The following FMNL2 variants were observed in gnomAD, a reference collection of about 807,000 sequenced individuals.
FMNL2 encodes formin like 2.
Under a neutral mutation model 130.2 loss-of-function variants are expected in FMNL2, and 51 were observed. The ratio of observed to expected loss-of-function variants is 0.39; its 90% confidence interval spans 0.31 to 0.49. The LOEUF (loss-of-function observed/expected upper bound fraction) is 0.49. FMNL2 is among the 20% of genes least tolerant of loss of function. The pLI, the probability that FMNL2 is intolerant of heterozygous loss-of-function variation, is 0.85. For missense variants in FMNL2, 977 were observed against 1,316.2 expected, an observed-to-expected ratio of 0.74 and a Z score of 3.99; for synonymous variants, 465 against 467.1, an observed-to-expected ratio of 1.00 and a Z score of 0.06.
chr2:152,642,098 G>A (rs1429840694), intron 25 of FMNL2, among the ~76,000 whole-genome samples: 8 of 151,856 alleles, frequency 5.3e-5, no homozygotes, highest in Non-Finnish European at 1.0e-4. Flanking sequence ...CCACCACCAC[G>A]CCTGGATAAT....
In FMNL2 at chr2:152,576,111, A is replaced by G. The variant is rs540365576; in HGVS notation, c.705+867A>G. Among the ~76,000 whole-genome samples the G allele has an allele frequency of 3.3e-5, 5 of 152,272 alleles. No homozygotes were observed. In the East Asian group the frequency reaches 7.7e-4, roughly 24 times the overall value. Reference sequence around the variant, plus strand: ...AATATAGAAATAGGATTTGATTTCCATTAATATGGATGCTACAGTGGGTCC... The same window carrying G: ...AATATAGAAATAGGATTTGATTTCCGTTAATATGGATGCTACAGTGGGTCC... On this transcript the variant is annotated intron_variant, in intron 7 of 25. Transcript: ENST00000288670.
At chr2:152,497,607 C>T (rs1457858831) in intron 1 of FMNL2, among the ~76,000 whole-genome samples, 2 of 152,130 alleles carry the variant, frequency 1.3e-5, no homozygotes, top group African/African-American at 4.8e-5. Context: ...GTTTATCCTT[C>T]CTGTATATAT....
At chr2:152,391,908 G>GTTTT (rs10584642) in intron 1 of FMNL2, among the ~76,000 whole-genome samples, 4 of 111,076 alleles carry the variant, frequency 3.6e-5, no homozygotes, top group South Asian at 4.1e-4. Context: ...GCTAGAAGTT[G>GTTTT]TTTTTTTTTT....
At chr2:152,620,476 CTCAG>C (rs1040256917) in intron 15 of FMNL2, among the ~76,000 whole-genome samples, 3 of 152,158 alleles carry the variant, frequency 2.0e-5, no homozygotes, top group Admixed American at 6.5e-5. Context: ...GAGCCGTTTT[CTCAG>C]TCCTGAAGTG....
intron 9 of FMNL2, among the ~76,000 whole-genome samples, chr2:152,592,139 CAGA>C (rs1233174083): frequency 6.6e-6 from 1 of 152,094 alleles, no homozygotes; most frequent in African/African-American, 2.4e-5. Flanking sequence ...TTCCGTGCCA[CAGA>C]AGTTTGTATT....
intron 1 of FMNL2, among the ~76,000 whole-genome samples, chr2:152,389,550 T>C (rs1684980320): frequency 1.3e-5 from 2 of 152,188 alleles, no homozygotes; most frequent in South Asian, 4.1e-4. Flanking sequence ...TAACTCCGAA[T>C]TCTTATGTAC....
At chr2:152,570,010 C>CAAAAA (rs139817108) in intron 6 of FMNL2, among the ~76,000 whole-genome samples, 6 of 145,898 alleles carry the variant, frequency 4.1e-5, no homozygotes, top group African/African-American at 1.3e-4. Context: ...GACTCTGTCT[C>CAAAAA]AAAAAAAAAA....
At chr2:152,607,242 A>C (rs1698421975) in intron 9 of FMNL2, 97 bp from the exon 10 acceptor site, 1 of 975,348 alleles carries the variant, frequency 1.0e-6, no homozygotes, top group Admixed American at 2.1e-5. Flanking sequence ...AAAAAGATAG[A>C]TATTCTGGAA....
intron 1 of FMNL2, among the ~76,000 whole-genome samples, chr2:152,498,364 A>G (rs1451723133): frequency 2.0e-5 from 3 of 152,234 alleles, no homozygotes; most frequent in Non-Finnish European, 4.4e-5. Context: ...TATTAAAAAT[A>G]CTAATTTTGG....
intron 1 of FMNL2, among the ~76,000 whole-genome samples, chr2:152,463,446 A>T (rs1487358538): frequency 1.3e-5 from 2 of 152,144 alleles, no homozygotes; most frequent in African/African-American, 4.8e-5. Context: ...TTTGCTTCAA[A>T]GCCTATGGTA....
chr2:152,590,909 T>C (rs1697394786), intron 9 of FMNL2, among the ~76,000 whole-genome samples: 1 of 151,356 alleles, frequency 6.6e-6, no homozygotes, highest in Admixed American at 6.6e-5. Flanking sequence ...GCTTGGACTG[T>C]TTGGTAAGTA....
chr2:152,461,492 G>C (rs1003865950), intron 1 of FMNL2, among the ~76,000 whole-genome samples: 2 of 152,116 alleles, frequency 1.3e-5, no homozygotes, highest in Non-Finnish European at 2.9e-5. Context: ...CAAAAAAGTA[G>C]ATTCACATAC....
chr2:152,359,731 A>G (rs190827910), intron 1 of FMNL2, among the ~76,000 whole-genome samples: 1 of 152,106 alleles, frequency 6.6e-6, no homozygotes, highest in Admixed American at 6.5e-5. Context: ...AAGAAGGGGA[A>G]AATTTGTGTA....
chr2:152,477,630 G>T (rs4471845), intron 1 of FMNL2, among the ~76,000 whole-genome samples: 42,591 of 151,748 alleles, frequency 0.28, 6,300 homozygotes, highest in East Asian at 0.57. Flanking sequence ...TCTATTTGCA[G>T]CTTCTCAGGT....
At chr2:152,335,770 G>A (rs1209224867) in intron 1 of FMNL2, 50 bp downstream of exon 1, 11 of 1,352,156 alleles carry the variant, frequency 8.1e-6, no homozygotes, top group Non-Finnish European at 9.8e-6. Context: ...CCCGGGCCGG[G>A]CGGCGCAGCT....
chr2:152,336,092 A>AAAAACAAAACAAAAC (rs4035883), intron 1 of FMNL2, among the ~76,000 whole-genome samples: 4,414 of 132,268 alleles, frequency 0.033, 117 homozygotes, highest in East Asian at 0.1. Flanking sequence ...TTTTTTTAAA[A>AAAAACAAAACAAAAC]AAAACAAAAC....
In FMNL2 at chr2:152,628,378, C is replaced by G; in HGVS notation, c.2245C>G (p.Leu749Val). The G allele has an allele frequency of 6.2e-7, 1 of 1,614,008 alleles. No individual in the cohort carries two copies. The change falls in exon 18 of 26, where the codon CTT becomes GTT. Residue 749 changes from leucine to valine, a missense_variant. Leu to Val is a conservative substitution (Grantham distance 32, BLOSUM62 1). Around this residue, in one of 4 missense-constraint regions of FMNL2, gnomAD observed 689 missense variants for 995.9 expected, o/e 0.69. Coordinates refer to ENST00000288670, the MANE Select transcript of FMNL2 (RefSeq NM_052905.4). ...ACCAACTGAGAATGAAGTGAAAGTG[C>G]TTCGGCTCTACGAGCGGGAAAGGAA... ...FLPTENEVKV[L>V]RLYERERKPL...
At chr2:152,404,498 A>C (rs980658216) in intron 1 of FMNL2, among the ~76,000 whole-genome samples, 1 of 152,144 alleles carries the variant, frequency 6.6e-6, no homozygotes, top group Non-Finnish European at 1.5e-5. Flanking sequence ...ATTACTCGTA[A>C]TGGGGTGTTT....
chr2:152,518,172 A>G (rs567205340), intron 1 of FMNL2, among the ~76,000 whole-genome samples: 1 of 152,240 alleles, frequency 6.6e-6, no homozygotes, highest in South Asian at 2.1e-4. Context: ...AAAGGCAGTT[A>G]TTACCAGCTA....
Sources: gnomAD v4.1 joint callset for allele counts (sites outside exome capture counted in the v4.1 genomes callset) on GRCh38, gnomAD v4.1.1 for gene constraint, gnomAD v4.1.1 regional missense constraint, MANE v1.5 for transcripts, NCBI Gene and HGNC (gene_info 2026-07-23, HGNC 2026-07-21) for gene names.